Variants in DENND1A observed in about 807,000 individuals in gnomAD.
DENND1A encodes the protein DENN domain-containing protein 1A.
Under a neutral mutation model 113.7 loss-of-function variants are expected in DENND1A, and 51 were observed. That is an observed-to-expected ratio of 0.45 (90% CI 0.36 to 0.57). The LOEUF (loss-of-function observed/expected upper bound fraction) is 0.57. Ranked by LOEUF, DENND1A falls within the 20% of genes least tolerant of loss-of-function variation. The pLI, the probability that DENND1A is intolerant of heterozygous loss-of-function variation, is 0.00. For missense variants in DENND1A, 1,258 were observed against 1,395.9 expected (o/e 0.90, Z 1.57); for synonymous variants, 565 against 570.8 (o/e 0.99, Z 0.14).
At chr9:123,450,879 C>G (rs554823726) in intron 17 of DENND1A, 130 bp from the exon 18 acceptor site, 1 of 657,460 alleles carries the variant, frequency 1.5e-6, no homozygotes, top group Admixed American at 3.4e-5. Flanking sequence ...ATCATCAAGT[C>G]GAAAACATAA....
intron 2 of DENND1A, among the ~76,000 whole-genome samples, chr9:123,825,661 T>C (rs1190077774): frequency 1.3e-5 from 2 of 152,250 alleles, no homozygotes; most frequent in Non-Finnish European, 2.9e-5. Context: ...AAAATGCATA[T>C]CTTAAAAGCC....
In DENND1A at chr9:123,397,280, G is replaced by A. The variant is rs138514114; in HGVS notation, c.1631+6122C>T. Among the ~76,000 whole-genome samples, 905 of 152,178 alleles carry A rather than the reference G, an allele frequency of 5.9e-3. 6 individuals carry two copies. Among genetic ancestry groups the A allele is most frequent in the Non-Finnish European group, 0.01 (687 of 68,008 alleles). ...AATGATTCTCCTGCCTCAGGCTTCC[G>A]AGTAGCTGAGATTATAAGTGTGTGC... On this transcript the variant is annotated intron_variant, in intron 21 of 23. Transcript: ENST00000394215.
rs1393032662 is a variant in DENND1A at position 123,764,314 on chromosome 9, T to C, written c.182+5200A>G. Among the ~76,000 whole-genome samples the C allele has an allele frequency of 1.3e-5, 2 of 152,218 alleles. No homozygotes were observed. Among genetic ancestry groups the C allele is most frequent in the Non-Finnish European group, 2.9e-5 (2 of 68,028 alleles). On this transcript the variant is annotated intron_variant, in intron 4 of 23. Transcript: ENST00000394215. The surrounding 1 kb of genome is among the most constrained non-coding windows in gnomAD (Gnocchi z 4.1). ...GAAGCATTTTGTCCCCCTCTATGTA[T>C]TATAGCTTACCGACAATTATCTGTT...
At chr9:123,890,580 A>G (rs1286048873) in intron 1 of DENND1A, among the ~76,000 whole-genome samples, 2 of 152,212 alleles carry the variant, frequency 1.3e-5, no homozygotes, top group African/African-American at 4.8e-5. Flanking sequence ...AATATGTACT[A>G]AACACTTAAA....
chr9:123,587,793 C>A (rs2059253209), intron 11 of DENND1A, among the ~76,000 whole-genome samples: 1 of 152,174 alleles, frequency 6.6e-6, no homozygotes, highest in Non-Finnish European at 1.5e-5. Flanking sequence ...AGCATTTCAT[C>A]TTTTATTCTG....
chr9:123,637,932 C>T (rs570760831), intron 9 of DENND1A, among the ~76,000 whole-genome samples: 13 of 74,610 alleles, frequency 1.7e-4, no homozygotes, highest in African/African-American at 3.2e-4. Context: ...CACACACACA[C>T]GCACACACAC....
At chr9:123,825,230 A>G (rs1192189710) in intron 2 of DENND1A, among the ~76,000 whole-genome samples, 1 of 152,068 alleles carries the variant, frequency 6.6e-6, no homozygotes, top group Non-Finnish European at 1.5e-5. Flanking sequence ...TACATACATA[A>G]AAAGTAAAAC....
intron 5 of DENND1A, among the ~76,000 whole-genome samples, chr9:123,695,495 T>C (rs1182200297): frequency 6.6e-6 from 1 of 152,040 alleles, no homozygotes; most frequent in Non-Finnish European, 1.5e-5. Context: ...TATATATATA[T>C]ATATCCTATT....
chr9:123,414,161 CTCCAGGCCCACGATTTGACCAT>C (rs1447400859), intron 19 of DENND1A: 1 of 1,010,394 alleles, frequency 9.9e-7, no homozygotes, highest in African/African-American at 1.7e-5. Context: ...CCCTGGGTTA[CTCCAGGCCCACGATTTGACCAT>C]TCCAAGCCTT....
chr9:123,830,873 G>GAAAAAAAAAAAAAAAAAAAA (rs71390447), intron 2 of DENND1A, among the ~76,000 whole-genome samples: 10 of 39,316 alleles, frequency 2.5e-4, no homozygotes, highest in East Asian at 9.1e-4. Context: ...TCTCAAAAAT[G>GAAAAAAAAAAAAAAAAAAAA]AAAAAAAAAA....
intron 5 of DENND1A, among the ~76,000 whole-genome samples, chr9:123,750,249 T>C (rs1289154397): frequency 6.6e-6 from 1 of 152,250 alleles, no homozygotes; most frequent in Non-Finnish European, 1.5e-5. Flanking sequence ...ACTGTACAGC[T>C]TGTTACTATT....
intron 10 of DENND1A, among the ~76,000 whole-genome samples, chr9:123,612,132 G>A (rs1432288975): frequency 6.6e-6 from 1 of 152,170 alleles, no homozygotes; most frequent in Admixed American, 6.5e-5. Context: ...CTTTTACATT[G>A]TCATCATTTA....
intron 20 of DENND1A, among the ~76,000 whole-genome samples, chr9:123,407,656 G>A (rs745505510): frequency 6.6e-5 from 10 of 152,190 alleles, no homozygotes; most frequent in Non-Finnish European, 1.5e-4. Context: ...AACAGTGACT[G>A]GCCCCACCGG....
intron 19 of DENND1A, among the ~76,000 whole-genome samples, chr9:123,412,745 T>C (rs10818819): frequency 0.15 from 22,452 of 152,040 alleles, 1,700 homozygotes; most frequent in Middle Eastern, 0.2. Flanking sequence ...GTAAGGAAAG[T>C]AAAAATTCAC....
At chr9:123,851,004 T>C (rs190454970) in intron 2 of DENND1A, among the ~76,000 whole-genome samples, 59 of 152,156 alleles carry the variant, frequency 3.9e-4, no homozygotes, top group African/African-American at 1.4e-3. Context: ...GATCCAACTA[T>C]ATATTGCTTT....
rs199923277 is a variant in DENND1A at position 123,516,107 on chromosome 9, T to TACACAC, written c.993+41457_993+41462dup. On this transcript the variant is annotated intron_variant, in intron 13 of 23. Coordinates refer to ENST00000394215, the MANE Select transcript of DENND1A (RefSeq NM_001352964.2). The stretch of plus-strand genomic sequence containing the variant: ...ATATATAGATATATATACACACACA[T>TACACAC]ACACACACACACACACACACACACA... Among the ~76,000 whole-genome samples the TACACAC allele has an allele frequency of 3.4e-4, 47 of 138,664 alleles. 1 individual carries two copies. The highest frequency in any genetic ancestry group is 1.1e-3 in the African/African-American group (41 of 35,738). The allele number at this position is 138,664 out of a possible 152,430, so 91.0% of individuals were successfully genotyped here.
intron 19 of DENND1A, among the ~76,000 whole-genome samples, chr9:123,425,489 T>C (rs1270532224): frequency 6.6e-6 from 1 of 152,228 alleles, no homozygotes; most frequent in Non-Finnish European, 1.5e-5. Context: ...TCACTGCCTT[T>C]TGCTGGATTT....
chr9:123,550,101 C>T (rs565293733), intron 13 of DENND1A, among the ~76,000 whole-genome samples: 4 of 152,314 alleles, frequency 2.6e-5, no homozygotes, highest in African/African-American at 7.2e-5. Context: ...CTTCTGCGTC[C>T]TCCAGGGGTT....
intron 2 of DENND1A, among the ~76,000 whole-genome samples, chr9:123,873,017 T>C (rs1434096261): frequency 6.6e-6 from 1 of 152,220 alleles, no homozygotes; most frequent in Non-Finnish European, 1.5e-5. Context: ...TTTCAGATAC[T>C]TTGGCACAGA....
Sources: allele counts gnomAD v4.1 joint callset (sites outside exome capture counted in the v4.1 genomes callset), GRCh38; gene constraint gnomAD v4.1.1; non-coding constraint Gnocchi (gnomAD v3.1); transcripts MANE v1.5; gene names NCBI Gene and HGNC (gene_info 2026-07-23, HGNC 2026-07-21).